TECTA: variants seen among roughly 807,000 people sequenced by gnomAD.
TECTA encodes tectorin alpha.
Under a neutral mutation model 216.8 loss-of-function variants are expected in TECTA, and 128 were observed. That is an observed-to-expected ratio of 0.59 (90% CI 0.51 to 0.68). The LOEUF is 0.68. Ranked by LOEUF, TECTA falls within the 30% of genes least tolerant of loss-of-function variation. TECTA has a pLI of 0.00. For synonymous variants in TECTA, 1,089 were observed against 1,117.1 expected, an observed-to-expected ratio of 0.97 and a Z score of 0.50; for missense variants, 2,551 against 2,786.2, an observed-to-expected ratio of 0.92 and a Z score of 1.90.
At position 121,158,233 on chromosome 11, in the gene TECTA, C is replaced by A; in HGVS notation, c.4689+9C>A. The A allele has an allele frequency of 6.2e-7, 1 of 1,610,624 alleles. No individual in the cohort carries two copies. The highest frequency in any genetic ancestry group is 8.5e-7 in the Non-Finnish European group (1 of 1,180,026). ...ACCGGAACACGGTCAAGGTAACCAGCCTGGCGGCCATTCTTAAGAAGGGGC... is the reference window on the plus strand; with the variant it reads ...ACCGGAACACGGTCAAGGTAACCAGACTGGCGGCCATTCTTAAGAAGGGGC... On this transcript the variant is annotated intron_variant, in intron 14 of 23. Transcript: ENST00000392793.
At position 121,130,603 on chromosome 11, in the gene TECTA, G is replaced by T. The variant is rs151141452; in HGVS notation, c.2941+392G>T. 9.8e-3 allele frequency among the ~76,000 whole-genome samples: 1,495 copies of T among 152,268 alleles called. 30 individuals carry two copies. The highest frequency in any genetic ancestry group is 0.034 in the African/African-American group (1,427 of 41,560). On this transcript the variant is annotated intron_variant, in intron 10 of 23. Transcript: ENST00000392793. The stretch of plus-strand genomic sequence containing the variant: ...AGTGATCGGCCAGGGCACCTTTGGG[G>T]CATGGAGATTAGCATGCTCCCCAGG...
At chr11:121,170,219 G>A (rs1227879197) in intron 20 of TECTA, among the ~76,000 whole-genome samples, 2 of 152,080 alleles carry the variant, frequency 1.3e-5, no homozygotes, top group African/African-American at 2.4e-5. Flanking sequence ...ATTCCCTTGT[G>A]TATATATATC....
intron 15 of TECTA, among the ~76,000 whole-genome samples, chr11:121,161,334 A>G (rs1277603232): frequency 6.6e-6 from 1 of 152,124 alleles, no homozygotes; most frequent in Non-Finnish European, 1.5e-5. Flanking sequence ...AGCCAGGACT[A>G]GATTCTAGGA....
intron 4 of TECTA, chr11:121,109,740 A>T (rs936624991): frequency 2.1e-5 from 9 of 420,958 alleles, no homozygotes; most frequent in African/African-American, 3.2e-5. Context: ...CTAATGCCTA[A>T]AAAAAAACCC....
rs1296580894 is a variant in TECTA, at chr11:121,190,368, G to A, written c.6368-338G>A. On this transcript the variant is annotated intron_variant, in intron 23 of 23. Coordinates refer to ENST00000392793, the MANE Select transcript of TECTA (RefSeq NM_005422.4). The stretch of plus-strand genomic sequence containing the variant: ...CAACCTCTGCCTCCCGGGTTCAAGC[G>A]ATTCTCCTGCCTCAACCACCGGAGT... 2.0e-5 allele frequency among the ~76,000 whole-genome samples: 3 copies of A among 152,242 alleles called. No individual in the cohort carries two copies. In the South Asian group the frequency reaches 6.2e-4, roughly 32 times the overall value.
chr11:121,144,481 G>T (rs889017564), intron 11 of TECTA, among the ~76,000 whole-genome samples: 1 of 152,038 alleles, frequency 6.6e-6, no homozygotes, highest in African/African-American at 2.4e-5. Context: ...GGGATTTCTG[G>T]TCAGAGAACA....
Position 121,127,741 on chromosome 11 carries a change from C to G in TECTA, c.1775-11C>G. 1 of 1,613,978 alleles carries G rather than the reference C, an allele frequency of 6.2e-7. No homozygotes were observed. Among genetic ancestry groups the G allele is most frequent in the Non-Finnish European group, 8.5e-7 (1 of 1,179,882 alleles). The stretch of plus-strand genomic sequence containing the variant: ...ACCTTGTTATCGGCTCTCTTCCTTT[C>G]CCCGCGTCAGTGTCCACAGTGCAGT... On this transcript the variant is annotated splice_polypyrimidine_tract_variant and intron_variant, in intron 8 of 23. Transcript: ENST00000392793. The surrounding 1 kb of genome is among the most constrained non-coding windows in gnomAD (Gnocchi z 5.0).
chr11:121,153,203 G>A, intron 13 of TECTA, 123 bp downstream of exon 13: 5 of 1,142,848 alleles, frequency 4.4e-6, no homozygotes, highest in Non-Finnish European at 6.3e-6. Flanking sequence ...GTTCGTGGCA[G>A]GGGAATGGGA....
rs966175649 is a variant in TECTA at position 121,118,301 on chromosome 11, C to T, written c.791-5C>T. ...AATGTTGGCTCTAATGTCATTATTCCCCAGGACAATTCCTTCGGCGAGGGG... is the reference window on the plus strand; with the variant it reads ...AATGTTGGCTCTAATGTCATTATTCTCCAGGACAATTCCTTCGGCGAGGGG... On this transcript the variant is annotated splice_polypyrimidine_tract_variant and splice_region_variant and intron_variant, in intron 6 of 23. Coordinates refer to ENST00000392793, the MANE Select transcript of TECTA (RefSeq NM_005422.4). 56 of 1,613,952 alleles carry T rather than the reference C, an allele frequency of 3.5e-5. No individual in the cohort carries two copies. The highest frequency in any genetic ancestry group is 1.1e-4 in the South Asian group (10 of 91,066).
rs780207581 is a variant in TECTA, at chr11:121,127,924, G to A, written c.1947G>A (p.Lys649=). ...LSTSQCVPLH[K]CGCDFDGHYY... The stretch of plus-strand genomic sequence containing the variant: ...CCAGCCAGTGCGTCCCTCTGCACAA[G>A]TGCGGCTGCGACTTCGACGGCCACT... Residue 649 remains lysine, a synonymous_variant, in exon 9 of 24, where the codon AAG becomes AAA. Transcript: ENST00000392793. This position sits in a 1 kb window ranked among gnomAD's most constrained non-coding sequence, Gnocchi z 5.0. The A allele has an allele frequency of 5.0e-6, 8 of 1,614,044 alleles. No individual in the cohort carries two copies. In the African/African-American group the frequency reaches 9.3e-5, roughly 19 times the overall value.
intron 23 of TECTA, 194 bp downstream of exon 23, chr11:121,190,074 C>CA (rs1768256201): frequency 1.2e-5 from 7 of 595,468 alleles, no homozygotes; most frequent in Non-Finnish European, 1.8e-5. Context: ...ACAACAACAA[C>CA]AAAAAAACCT....
chr11:121,188,098 T>A (rs753117472), intron 21 of TECTA, 104 bp downstream of exon 21: 283 of 1,274,968 alleles, frequency 2.2e-4, no homozygotes, highest in Non-Finnish European at 2.8e-4. Context: ...GAATCATCCA[T>A]AGATGCTTGG....
At position 121,102,812 on chromosome 11, in the gene TECTA, G is replaced by T. The variant is rs907573546; in HGVS notation, c.64+83G>T. On this transcript the variant is annotated intron_variant, in intron 2 of 23. Coordinates refer to ENST00000392793, the MANE Select transcript of TECTA (RefSeq NM_005422.4). Reference sequence around the variant, plus strand: ...AGACACTTTTATTGGAACCACAATTGTAAGGGCAGGTGCATGTGTGTCTAC... The same window carrying T: ...AGACACTTTTATTGGAACCACAATTTTAAGGGCAGGTGCATGTGTGTCTAC... 7 of 1,141,194 alleles carry T rather than the reference G, an allele frequency of 6.1e-6. No homozygotes were observed. The African/African-American group carries it at 9.2e-5, about 15-fold the overall frequency. The allele number at this position is 1,141,194 out of a possible 1,614,324, so 70.7% of individuals were successfully genotyped here. A position where few individuals can be genotyped will look rare whatever the true frequency, so the allele number is the denominator to read the frequency against.
rs772433493 is a variant in TECTA, at chr11:121,113,032, G to A, written c.487-40G>A. On this transcript the variant is annotated intron_variant, in intron 4 of 23. Transcript: ENST00000392793. This position sits in a 1 kb window ranked among gnomAD's most constrained non-coding sequence, Gnocchi z 4.2. ...ACCTCCTTGGGGCCAGGACCTCCTG[G>A]GGAGTGCAAGTCATGAGACTGCGCA... The A allele has an allele frequency of 2.5e-6, 4 of 1,613,262 alleles. No homozygotes were observed. The Admixed American group carries it at 5.0e-5, about 20-fold the overall frequency.
At position 121,165,264 on chromosome 11, in the gene TECTA, TC is replaced by T. The variant is rs727504781; in HGVS notation, c.5273-8del. On this transcript the variant is annotated splice_region_variant and splice_polypyrimidine_tract_variant and intron_variant, in intron 16 of 23. Transcript: ENST00000392793. ...AGTTGTGCATGTTTCTGTGTGTTTTTCTTTTTAGCAGGAGTGGTTGAAGATC... is the reference window on the plus strand; with the variant it reads ...AGTTGTGCATGTTTCTGTGTGTTTTTTTTTTAGCAGGAGTGGTTGAAGATC... 90 of 1,591,152 alleles carry T rather than the reference TC, an allele frequency of 5.7e-5. No homozygotes were observed. The African/African-American group carries it at 1.0e-3, about 18-fold the overall frequency.
intron 6 of TECTA, among the ~76,000 whole-genome samples, chr11:121,115,640 G>T (rs1234863300): frequency 1.3e-5 from 2 of 151,980 alleles, no homozygotes; most frequent in Non-Finnish European, 2.9e-5. Context: ...GATTCAATTT[G>T]TTGTTGTTGT....
At position 121,176,195 on chromosome 11, in the gene TECTA, T is replaced by G. The variant is rs369906976; in HGVS notation, c.5999+7270T>G. Among the ~76,000 whole-genome samples, 59 of 151,698 alleles carry G rather than the reference T, an allele frequency of 3.9e-4. No individual in the cohort carries two copies. The East Asian group carries it at 4.3e-3, about 11-fold the overall frequency. ...GTATTTAGTCCATTTACATTTAAAG[T>G]TAATATTGTTATGTGTGAATTTGAT... is the stretch of plus-strand genomic sequence containing the variant. On this transcript the variant is annotated intron_variant, in intron 20 of 23. Transcript: ENST00000392793.
At chr11:121,168,271 G>A in intron 19 of TECTA, 54 bp downstream of exon 19, 4 of 1,610,210 alleles carry the variant, frequency 2.5e-6, no homozygotes, top group Non-Finnish European at 2.5e-6. Context: ...TGACAGTTAA[G>A]GTTAGCATAA....
intron 10 of TECTA, among the ~76,000 whole-genome samples, chr11:121,135,194 C>G (rs952201837): frequency 1.3e-5 from 2 of 152,196 alleles, no homozygotes; most frequent in African/African-American, 2.4e-5. Flanking sequence ...AGCTGTGAAT[C>G]AGGAACACAA....
Sources: gnomAD v4.1 joint callset for allele counts (sites outside exome capture counted in the v4.1 genomes callset) on GRCh38, gnomAD v4.1.1 for gene constraint, Gnocchi (gnomAD v3.1) non-coding constraint, MANE v1.5 for transcripts, NCBI Gene and HGNC (gene_info 2026-07-23, HGNC 2026-07-21) for gene names.